CPE: variants seen among roughly 807,000 people sequenced by gnomAD.
CPE encodes carbocypeptidase E.
Under a neutral mutation model 53.5 loss-of-function variants are expected in CPE, and 17 were observed. That is an observed-to-expected ratio of 0.32 (90% CI 0.22 to 0.48). The LOEUF is 0.48. Ranked by LOEUF, CPE falls within the 20% of genes least tolerant of loss-of-function variation. CPE has a pLI of 0.99. For missense variants in CPE, 524 were observed against 614.7 expected (o/e 0.85, Z 1.56); for synonymous variants, 226 against 228.8 (o/e 0.99, Z 0.11).
Position 165,384,135 on chromosome 4 carries a change from A to G in CPE, c.307+4607A>G, listed in dbSNP as rs11931575. Reference sequence around the variant, plus strand: ...TCTAAATATTATTAAGAAATACAAAATAGCTCTTGTAACGGGTGACACATT... The same window carrying G: ...TCTAAATATTATTAAGAAATACAAAGTAGCTCTTGTAACGGGTGACACATT... On this transcript the variant is annotated intron_variant, in intron 1 of 8. Transcript: ENST00000402744. Among the ~76,000 whole-genome samples, 103 of 152,348 alleles carry G rather than the reference A, an allele frequency of 6.8e-4. 1 individual carries two copies. Among genetic ancestry groups the G allele is most frequent in the African/African-American group, 2.3e-3 (97 of 41,584 alleles).
intron 1 of CPE, among the ~76,000 whole-genome samples, chr4:165,403,324 A>T (rs532545575): frequency 1.7e-4 from 25 of 151,158 alleles, no homozygotes; most frequent in South Asian, 6.3e-4. Context: ...GTAAGAAATT[A>T]AAAAAAAAAT....
chr4:165,404,472 C>G (rs1317888752), intron 1 of CPE: 10 of 778,166 alleles, frequency 1.3e-5, no homozygotes, highest in Admixed American at 3.4e-5. Flanking sequence ...GACTGGCGAC[C>G]TAGGAAGCCC....
intron 3 of CPE, among the ~76,000 whole-genome samples, chr4:165,475,044 T>A (rs1269489857): frequency 6.6e-6 from 1 of 152,170 alleles, no homozygotes; most frequent in Non-Finnish European, 1.5e-5. Flanking sequence ...TAAATACTCA[T>A]GGAAAGCTTT....
In CPE at chr4:165,484,512, A is replaced by G. The variant is rs765113959; in HGVS notation, c.881A>G (p.Asp294Gly). 17 of 1,614,042 alleles carry G rather than the reference A, an allele frequency of 1.1e-5. No homozygotes were observed. The Admixed American group carries it at 2.8e-4, about 27-fold the overall frequency. The change falls in exon 5 of 9, where the codon GAC (aspartate) becomes GGC (glycine). Residue 294 changes from aspartate (D) to glycine (G), a missense_variant. Asp to Gly is a moderately conservative substitution (Grantham distance 94). Transcript: ENST00000402744. ...AYSSFNPAMSDPNRPPCRKND... is the reference protein window; with the variant it reads ...AYSSFNPAMSGPNRPPCRKND... Reference sequence around the variant, plus strand: ...TCTTCTTTCAACCCGGCCATGTCTGACCCCAATCGGCCACCATGTCGCAAG... The same window carrying G: ...TCTTCTTTCAACCCGGCCATGTCTGGCCCCAATCGGCCACCATGTCGCAAG...
Position 165,438,161 on chromosome 4 carries a change from T to C in CPE, c.308-26229T>C, listed in dbSNP as rs571356634. ...TGTGTGGAGGAGGCAAGATCAGTTC[T>C]GGAGGTGGGAGGACAGACAGTTTAG... On this transcript the variant is annotated intron_variant, in intron 1 of 8. Coordinates refer to ENST00000402744, the MANE Select transcript of CPE (RefSeq NM_001873.4). Among the ~76,000 whole-genome samples the C allele has an allele frequency of 5.3e-5, 8 of 152,234 alleles. No homozygotes were observed. The South Asian group carries it at 1.0e-3, about 20-fold the overall frequency.
intron 1 of CPE, among the ~76,000 whole-genome samples, chr4:165,409,686 CTG>C (rs1731006901): frequency 6.6e-6 from 1 of 152,018 alleles, no homozygotes. Context: ...TCCTAAGAAA[CTG>C]TGAAATACTG....
intron 3 of CPE, among the ~76,000 whole-genome samples, chr4:165,481,024 T>A (rs1228153119): frequency 6.0e-4 from 88 of 146,966 alleles, no homozygotes; most frequent in African/African-American, 2.2e-3. Flanking sequence ...ATATTTTTTT[T>A]TTTTTTTTTA....
At chr4:165,445,112 A>G (rs973423314) in intron 1 of CPE, among the ~76,000 whole-genome samples, 1 of 151,994 alleles carries the variant, frequency 6.6e-6, no homozygotes, top group African/African-American at 2.4e-5. Context: ...ATGCACCACC[A>G]CACTTGGCTA....
At chr4:165,471,129 C>T (rs755188261) in intron 3 of CPE, among the ~76,000 whole-genome samples, 82 of 152,286 alleles carry the variant, frequency 5.4e-4, no homozygotes, top group Middle Eastern at 3.4e-3. Context: ...AAAATCCTGA[C>T]GCTGCCAACA....
chr4:165,420,885 A>G (rs1731199739), intron 1 of CPE, among the ~76,000 whole-genome samples: 1 of 152,144 alleles, frequency 6.6e-6, no homozygotes. Context: ...TAAACTTTGG[A>G]GCAGATTTTT....
At chr4:165,466,698 A>G (rs2126701946) in intron 2 of CPE, among the ~76,000 whole-genome samples, 1 of 152,078 alleles carries the variant, frequency 6.6e-6, no homozygotes, top group East Asian at 1.9e-4. Context: ...TTATATTTTT[A>G]TTAGAGACGG....
intron 1 of CPE, chr4:165,418,132 ACGC>A (rs1731155742): frequency 1.3e-5 from 2 of 152,240 alleles, no homozygotes; most frequent in Admixed American, 6.5e-5. Context: ...GTTGTTTAAA[ACGC>A]AAATATCACC....
At chr4:165,380,337 T>G (rs1730487420) in intron 1 of CPE, among the ~76,000 whole-genome samples, 1 of 152,210 alleles carries the variant, frequency 6.6e-6, no homozygotes, top group Non-Finnish European at 1.5e-5. Context: ...GGGGTCTTTA[T>G]TCCAACTGAT....
intron 1 of CPE, chr4:165,405,634 A>G: frequency 1.3e-6 from 1 of 781,788 alleles, no homozygotes; most frequent in African/African-American, 1.7e-5. Context: ...TGGGAAAGTA[A>G]TTGCAACTTC....
At chr4:165,461,659 T>C (rs1560889227) in intron 1 of CPE, among the ~76,000 whole-genome samples, 1 of 152,234 alleles carries the variant, frequency 6.6e-6, no homozygotes, top group Non-Finnish European at 1.5e-5. Context: ...ACATTGTCCA[T>C]TGCATGTCTG....
At chr4:165,423,911 GC>G (rs1443062156) in intron 1 of CPE, among the ~76,000 whole-genome samples, 4 of 148,342 alleles carry the variant, frequency 2.7e-5, no homozygotes, top group Admixed American at 1.4e-4. Flanking sequence ...TTTTGTTCTT[GC>G]GATAGTTTAC....
intron 1 of CPE, among the ~76,000 whole-genome samples, chr4:165,455,287 G>A (rs1393113267): frequency 6.6e-6 from 1 of 151,934 alleles, no homozygotes; most frequent in African/African-American, 2.4e-5. Context: ...CCTCTGTTTT[G>A]TGCTTAACTT....
intron 1 of CPE, among the ~76,000 whole-genome samples, chr4:165,451,404 G>C (rs894645443): frequency 1.3e-5 from 2 of 152,096 alleles, no homozygotes; most frequent in African/African-American, 4.8e-5. Flanking sequence ...CCCACTAGTG[G>C]AGCATGATGC....
intron 1 of CPE, among the ~76,000 whole-genome samples, chr4:165,451,690 C>T (rs1034661400): frequency 6.6e-6 from 1 of 152,000 alleles, no homozygotes; most frequent in African/African-American, 2.4e-5. Context: ...CGGGGTTTCA[C>T]CATGTTGGTC....
Sources: gnomAD v4.1 joint callset for allele counts (sites outside exome capture counted in the v4.1 genomes callset) on GRCh38, gnomAD v4.1.1 for gene constraint, MANE v1.5 for transcripts, NCBI Gene and HGNC (gene_info 2026-07-23, HGNC 2026-07-21) for gene names.